The following TRIM10 variants were observed in gnomAD, a reference collection of about 807,000 sequenced individuals.
TRIM10 encodes the protein tripartite motif-containing protein 10.
Under a neutral mutation model 40.0 loss-of-function variants are expected in TRIM10, and 42 were observed. That is an observed-to-expected ratio of 1.05 (90% CI 0.82 to 1.36). TRIM10 has a LOEUF of 1.36. TRIM10 is among the 40% of genes most tolerant of loss of function. The probability of loss-of-function intolerance (pLI) is 0.00; values close to 1 mark genes in which losing one functional copy is unlikely to be tolerated. For synonymous variants in TRIM10, 260 were observed against 239.5 expected (o/e 1.09, Z -0.79); for missense variants, 601 against 608.3 (o/e 0.99, Z 0.13).
rs532891651 is a variant in TRIM10, at chr6:30,159,726, T to A, written c.430-481A>T. On this transcript the variant is annotated intron_variant, in intron 1 of 6. Coordinates refer to ENST00000449742, the MANE Select transcript of TRIM10 (RefSeq NM_006778.4). Reference sequence around the variant, plus strand: ...ACTTGGGTAATGTAAAAATAATTGATAAATTGTTTTCAAAATTATTTGCTC... The same window carrying A: ...ACTTGGGTAATGTAAAAATAATTGAAAAATTGTTTTCAAAATTATTTGCTC... Among the ~76,000 whole-genome samples, 3 of 152,330 alleles carry A rather than the reference T, an allele frequency of 2.0e-5. No homozygotes were observed. The South Asian group carries it at 6.2e-4, about 32-fold the overall frequency.
At chr6:30,163,532 G>C, upstream of TRIM10, 1 of 867,856 alleles carries the variant, frequency 1.2e-6, no homozygotes, top group Admixed American at 3.5e-5. Context: ...CCCTGTGCTG[G>C]CATTCTTGCC....
upstream of TRIM10, among the ~76,000 whole-genome samples, chr6:30,161,453 G>A (rs564764616): frequency 3.3e-5 from 5 of 152,304 alleles, no homozygotes; most frequent in African/African-American, 1.2e-4. Context: ...AAAAGAGGCT[G>A]GAATATTCCC....
rs777425754 is a variant in TRIM10, at chr6:30,153,655, C to G, written c.*314G>C. On this transcript the variant is annotated 3_prime_UTR_variant, in exon 7 of 7. Transcript: ENST00000449742. Reference sequence around the variant, plus strand: ...CTGGTTGACAGGCTGGTTCAAGAACCCAGGTCTTCTGACTTCAAATCCAGT... The same window carrying G: ...CTGGTTGACAGGCTGGTTCAAGAACGCAGGTCTTCTGACTTCAAATCCAGT... 7 of 1,585,394 alleles carry G rather than the reference C, an allele frequency of 4.4e-6. No homozygotes were observed. Among genetic ancestry groups the G allele is most frequent in the Non-Finnish European group, 6.0e-6 (7 of 1,162,692 alleles).
In TRIM10 at chr6:30,153,054, C is replaced by T. The variant is rs1180663675; in HGVS notation, c.*915G>A. 1.3e-5 allele frequency: 2 copies of T among 152,860 alleles called. No individual in the cohort carries two copies. The highest frequency in any genetic ancestry group is 2.9e-5 in the Non-Finnish European group (2 of 68,566). The allele number at this position is 152,860 out of a possible 1,614,324, so 9.5% of individuals were successfully genotyped here. ...CCTGGGTTATGATTTATGGCTATAC[C>T]TTATGTCCTCCTGCCCCCAGGCCCT... is the stretch of plus-strand genomic sequence containing the variant. On this transcript the variant is annotated 3_prime_UTR_variant, in exon 7 of 7. Coordinates refer to ENST00000449742, the MANE Select transcript of TRIM10 (RefSeq NM_006778.4).
chr6:30,158,082 T>G (rs1040609401), intron 3 of TRIM10, among the ~76,000 whole-genome samples: 2 of 152,174 alleles, frequency 1.3e-5, no homozygotes, highest in Non-Finnish European at 2.9e-5. Flanking sequence ...GTTTGCAACT[T>G]ACTTAATACT....
Position 30,153,440 on chromosome 6 carries a change from A to C in TRIM10, c.*529T>G. ...CCTCTTTATGTTTCTCTGTCTTCCCAAGAGCTCTTTCAGATATAGAGCAGG... is the reference window on the plus strand; with the variant it reads ...CCTCTTTATGTTTCTCTGTCTTCCCCAGAGCTCTTTCAGATATAGAGCAGG... On this transcript the variant is annotated 3_prime_UTR_variant, in exon 7 of 7. Coordinates refer to ENST00000449742, the MANE Select transcript of TRIM10 (RefSeq NM_006778.4). The C allele has an allele frequency of 1.9e-6, 1 of 519,570 alleles. No individual in the cohort carries two copies. The highest frequency in any genetic ancestry group is 2.7e-5 in the South Asian group (1 of 36,784). The allele number at this position is 519,570 out of a possible 1,614,324, so 32.2% of individuals were successfully genotyped here.
At chr6:30,154,767 C>T (rs1291473306) in intron 6 of TRIM10, 4 of 680,892 alleles carry the variant, frequency 5.9e-6, no homozygotes, top group East Asian at 5.7e-5. Context: ...GTGTGGTCCT[C>T]GGGAAAGCTC....
At chr6:30,163,979 G>A (rs1229267094), upstream of TRIM10, 7 of 1,613,016 alleles carry the variant, frequency 4.3e-6, no homozygotes, top group African/African-American at 1.3e-5. Context: ...GAACGATGCC[G>A]AGTTCCTCTG....
At chr6:30,163,029 G>A (rs149524406), upstream of TRIM10, among the ~76,000 whole-genome samples, 15 of 152,218 alleles carry the variant, frequency 9.9e-5, no homozygotes, top group East Asian at 2.1e-3. Flanking sequence ...CCAGGTGGTG[G>A]GGGATTTGGG....
chr6:30,163,554 T>TTCTCTCTCTGTCTCTC, upstream of TRIM10: 1 of 1,136,860 alleles, frequency 8.8e-7, no homozygotes, highest in Non-Finnish European at 1.2e-6. Flanking sequence ...CTCTCTCTCT[T>TTCTCTCTCTGTCTCTC]TCTCTCTCTC....
At chr6:30,155,797 C>T in intron 5 of TRIM10, 38 bp from the exon 6 acceptor site, 1 of 1,599,312 alleles carries the variant, frequency 6.3e-7, no homozygotes, top group Non-Finnish European at 8.5e-7. Context: ...TTTTATTAGT[C>T]TTACAAAACC....
rs1443997839 is a variant in TRIM10 at position 30,154,178 on chromosome 6, A to G, written c.1237T>C (p.Ser413Pro). The change falls in exon 7 of 7, where the codon TCG becomes CCG. Residue 413 changes from serine (S) to proline (P), a missense_variant. Physicochemically the swap from Ser to Pro is moderately conservative, Grantham distance 74. Coordinates refer to ENST00000449742, the MANE Select transcript of TRIM10 (RefSeq NM_006778.4). ...CGTGTGGGGAAGGAGCCCAGAGCCGAGACGAAGCCCCAAGCCAGCCTCACA... is the reference window on the plus strand; with the variant it reads ...CGTGTGGGGAAGGAGCCCAGAGCCGGGACGAAGCCCCAAGCCAGCCTCACA... ...WAVRLAWGFV[S>P]ALGSFPTRLT... The G allele has an allele frequency of 6.2e-7, 1 of 1,611,832 alleles. No individual in the cohort carries two copies. Among genetic ancestry groups the G allele is most frequent in the Non-Finnish European group, 8.5e-7 (1 of 1,179,154 alleles).
At position 30,158,452 on chromosome 6, in the gene TRIM10, G is replaced by A. The variant is rs531527319; in HGVS notation, c.703C>T (p.Leu235Phe). Residue 235 changes from leucine to phenylalanine, a missense_variant, in exon 3 of 7, where the codon CTT (leucine) becomes TTT (phenylalanine). Leu to Phe is a conservative substitution (Grantham distance 22). Transcript: ENST00000449742. ...VAGEICRFSA[L>F]IEELEEKNER... ...TTCTTCTCCTCCAGTTCTTCAATAA[G>A]AGCACTAAACCGGCAGATCTCCCCA... The A allele has an allele frequency of 1.2e-6, 2 of 1,613,020 alleles. No individual in the cohort carries two copies. The highest frequency in any genetic ancestry group is 2.7e-5 in the African/African-American group (2 of 74,998).
At chr6:30,154,704 G>A (rs1183207621) in intron 6 of TRIM10, 1 of 719,958 alleles carries the variant, frequency 1.4e-6, no homozygotes, top group African/African-American at 1.7e-5. Context: ...TTTGCACACA[G>A]GTAAAGCCTG....
chr6:30,154,205 C>G lies in TRIM10; in HGVS notation c.1210G>C (p.Ala404Pro), dbSNP rs1397173695. 2 of 1,612,238 alleles carry G rather than the reference C, an allele frequency of 1.2e-6. No homozygotes were observed. The highest frequency in any genetic ancestry group is 1.7e-6 in the Non-Finnish European group (2 of 1,179,522). ...ACGAAGCCCCAAGCCAGCCTCACAG[C>G]CCACACCCCCTCCTCTGGCCGCAGC... ...LRLRPEEGVW[A>P]VRLAWGFVSA... The change falls in exon 7 of 7, where the codon GCT (alanine) becomes CCT (proline). Residue 404 changes from alanine to proline, a missense_variant. By Grantham distance (27) the Ala-to-Pro change is conservative. Coordinates refer to ENST00000449742, the MANE Select transcript of TRIM10 (RefSeq NM_006778.4).
At chr6:30,158,311 T>C in intron 3 of TRIM10, 88 bp downstream of exon 3, 2 of 1,102,448 alleles carry the variant, frequency 1.8e-6, no homozygotes, top group Non-Finnish European at 1.4e-6. Context: ...CAGAGATGTG[T>C]GAGTCAGGGA....
In TRIM10 at chr6:30,154,377, T is replaced by C. The variant is rs3094134; in HGVS notation, c.1038A>G (p.Gln346=). 1,479,918 of 1,612,976 alleles carry C rather than the reference T, an allele frequency of 0.92. 680,017 individuals carry two copies. Among genetic ancestry groups the C allele is most frequent in the East Asian group, 1 (44,782 of 44,858 alleles). The change falls in exon 7 of 7, where the codon CAA becomes CAG. Residue 346 remains glutamine (Q), a synonymous_variant. Coordinates refer to ENST00000449742, the MANE Select transcript of TRIM10 (RefSeq NM_006778.4). ...GAACACAGGTGGCCCGGTCAAAACG[T>C]TGGGGGTTGTCTGGTGAGTTCTGCC... ...YKWQNSPDNP[Q]RFDRATCVLA... is the part of the protein sequence containing the mutation.
At chr6:30,157,657 C>CTTTTTTT (rs9278596) in intron 3 of TRIM10, among the ~76,000 whole-genome samples, 42 of 77,814 alleles carry the variant, frequency 5.4e-4, no homozygotes, top group Middle Eastern at 8.9e-3. Context: ...GGCTAATTTT[C>CTTTTTTT]TTTTTTTTTT....
chr6:30,157,580 G>A (rs1206663001), intron 3 of TRIM10, among the ~76,000 whole-genome samples, 189 bp from the exon 4 acceptor site: 1 of 151,714 alleles, frequency 6.6e-6, no homozygotes, highest in Non-Finnish European at 1.5e-5. Flanking sequence ...CAACCTCCTG[G>A]GCTCAAGGGA....
Sources: gnomAD v4.1 joint callset for allele counts (sites outside exome capture counted in the v4.1 genomes callset) on GRCh38, gnomAD v4.1.1 for gene constraint, MANE v1.5 for transcripts, NCBI Gene and HGNC (gene_info 2026-07-23, HGNC 2026-07-21) for gene names.